The following ADRA1D variants were observed in gnomAD, a reference collection of about 807,000 sequenced individuals.
The protein encoded by ADRA1D is alpha-1D adrenergic receptor.
A neutral mutation model predicts 18.6 loss-of-function variants in ADRA1D; 22 were observed. The observed-to-expected ratio is 1.19, with a 90% CI of 0.85 to 1.69. ADRA1D has a LOEUF of 1.69. ADRA1D is among the 40% of genes most tolerant of loss of function. The pLI is 0.00. For synonymous variants in ADRA1D, 376 were observed against 388.2 expected (o/e 0.97, Z 0.37); for missense variants, 840 against 840.7 (o/e 1.00, Z 0.01).
intron 1 of ADRA1D, among the ~76,000 whole-genome samples, chr20:4,226,281 T>G (rs1421074504): frequency 1.3e-5 from 2 of 152,248 alleles, no homozygotes; most frequent in Non-Finnish European, 2.9e-5. Flanking sequence ...AAACTCAGCC[T>G]TTCAGCCCCA....
At chr20:4,241,712 C>G (rs752200911) in intron 1 of ADRA1D, among the ~76,000 whole-genome samples, 4 of 152,086 alleles carry the variant, frequency 2.6e-5, no homozygotes, top group Non-Finnish European at 4.4e-5. Context: ...ATCCACAGAC[C>G]CCTGCACAAC....
At chr20:4,225,444 T>TTTTG (rs1980774285) in intron 1 of ADRA1D, among the ~76,000 whole-genome samples, 2 of 148,606 alleles carry the variant, frequency 1.3e-5, no homozygotes. Context: ...TTTTTTTTTT[T>TTTTG]GAGACAGGGT....
chr20:4,229,487 C>T (rs1211634581), intron 1 of ADRA1D, among the ~76,000 whole-genome samples: 1 of 152,074 alleles, frequency 6.6e-6, no homozygotes, highest in East Asian at 1.9e-4. Context: ...GATAAGGTGG[C>T]CAGGAAAGTC....
At chr20:4,235,636 G>A (rs546283420) in intron 1 of ADRA1D, among the ~76,000 whole-genome samples, 1 of 152,392 alleles carries the variant, frequency 6.6e-6, no homozygotes, top group African/African-American at 2.4e-5. Context: ...CTGGGTGTGA[G>A]CAGAGCAGCA....
chr20:4,230,618 C>T (rs1049484036), intron 1 of ADRA1D, among the ~76,000 whole-genome samples: 3 of 152,244 alleles, frequency 2.0e-5, no homozygotes, highest in African/African-American at 4.8e-5. Context: ...TTCCTTAAAA[C>T]TTGGTTTCTC....
intron 1 of ADRA1D, among the ~76,000 whole-genome samples, chr20:4,240,730 G>A (rs1981192121): frequency 6.6e-6 from 1 of 152,162 alleles, no homozygotes; most frequent in African/African-American, 2.4e-5. Context: ...GGAGGTGGAG[G>A]TTGCGGTAAG....
intron 1 of ADRA1D, among the ~76,000 whole-genome samples, chr20:4,246,844 TG>T (rs1218595443): frequency 6.6e-6 from 1 of 152,154 alleles, no homozygotes; most frequent in African/African-American, 2.4e-5. Flanking sequence ...GTGGCTGCAG[TG>T]TGGAAAGGGC....
chr20:4,242,070 C>A (rs1307060781), intron 1 of ADRA1D, among the ~76,000 whole-genome samples: 2 of 152,258 alleles, frequency 1.3e-5, no homozygotes, highest in Non-Finnish European at 2.9e-5. Context: ...AGTACACTCA[C>A]TGCACACACA....
chr20:4,224,993 GTTTTT>G (rs562415272), intron 1 of ADRA1D, among the ~76,000 whole-genome samples: 1,612 of 120,046 alleles, frequency 0.013, 21 homozygotes, highest in African/African-American at 0.037. Flanking sequence ...GGCCATCTAA[GTTTTT>G]TTTTTTTTTT....
chr20:4,248,699 C>A lies in ADRA1D; in HGVS notation c.259G>T (p.Val87Phe), dbSNP rs1981417915. Residue 87 changes from valine (V) to phenylalanine (F), a missense_variant, in exon 1 of 2, where the codon GTC (valine) becomes TTC (phenylalanine). Val to Phe is a conservative substitution (Grantham distance 50). Transcript: ENST00000379453. ...AGGDVNGTAA[V>F]GGLVVSAQGV... Reference sequence around the variant, plus strand: ...TGCGCGCTCACCACCAGTCCCCCGACGGCCGCCGTGCCATTCACGTCGCCG... The same window carrying A: ...TGCGCGCTCACCACCAGTCCCCCGAAGGCCGCCGTGCCATTCACGTCGCCG... 6.4e-7 allele frequency: 1 copy of A among 1,574,732 alleles called. No homozygotes were observed. Among genetic ancestry groups the A allele is most frequent in the Non-Finnish European group, 8.6e-7 (1 of 1,161,556 alleles).
At position 4,221,497 on chromosome 20, in the gene ADRA1D, C is replaced by A; in HGVS notation, c.*26G>T. ...GTCCCCCTTACCCCCAAGCCCAGCA[C>A]ACTCCGCGGCCTAGCTCTGGGGTCC... On this transcript the variant is annotated 3_prime_UTR_variant, in exon 2 of 2. Coordinates refer to ENST00000379453, the MANE Select transcript of ADRA1D (RefSeq NM_000678.4). 6.3e-7 allele frequency: 1 copy of A among 1,585,432 alleles called. No individual in the cohort carries two copies. Among genetic ancestry groups the A allele is most frequent in the Non-Finnish European group, 8.6e-7 (1 of 1,160,968 alleles).
At chr20:4,246,921 C>T (rs1194867227) in intron 1 of ADRA1D, among the ~76,000 whole-genome samples, 2 of 152,172 alleles carry the variant, frequency 1.3e-5, no homozygotes, top group Non-Finnish European at 2.9e-5. Context: ...TGGAAGGGTC[C>T]AGGCCTGGGA....
intron 1 of ADRA1D, among the ~76,000 whole-genome samples, chr20:4,231,254 C>T (rs1403669300): frequency 8.4e-6 from 1 of 118,376 alleles, no homozygotes; most frequent in Non-Finnish European, 1.8e-5. Flanking sequence ...TGTGCCACTA[C>T]ACCTGGCTAA....
intron 1 of ADRA1D, among the ~76,000 whole-genome samples, chr20:4,234,559 C>T (rs185435738): frequency 6.6e-6 from 1 of 152,324 alleles, no homozygotes; most frequent in East Asian, 1.9e-4. Context: ...TCAGTCTCCT[C>T]CCACCCTGCC....
rs1453359985 is a variant in ADRA1D, at chr20:4,222,241, G to A, written c.1112-111C>T. ...TAGCCTTGGCTGAGTCATTGACTAG[G>A]AGTTCTCAAGGGATCCGTGCTGTAA... On this transcript the variant is annotated intron_variant, in intron 1 of 1. Transcript: ENST00000379453. The surrounding 1 kb of genome is among the most constrained non-coding windows in gnomAD (Gnocchi z 4.3). The A allele has an allele frequency of 7.0e-6, 10 of 1,429,968 alleles. No homozygotes were observed. Among genetic ancestry groups the A allele is most frequent in the South Asian group, 1.4e-5 (1 of 71,078 alleles). The allele number at this position is 1,429,968 out of a possible 1,614,324, so 88.6% of individuals were successfully genotyped here.
intron 1 of ADRA1D, among the ~76,000 whole-genome samples, chr20:4,231,068 C>T (rs139032834): frequency 0.068 from 2,961 of 43,390 alleles, 42 homozygotes; most frequent in East Asian, 0.2. Context: ...CTTTCTTTCT[C>T]TCTCTCTCTC....
intron 1 of ADRA1D, among the ~76,000 whole-genome samples, chr20:4,233,609 C>A (rs1981021088): frequency 6.6e-6 from 1 of 152,140 alleles, no homozygotes; most frequent in African/African-American, 2.4e-5. Flanking sequence ...GGGAACCCGA[C>A]CCAAGACATT....
chr20:4,247,793 A>G, intron 1 of ADRA1D, 54 bp downstream of exon 1: 1 of 1,431,386 alleles, frequency 7.0e-7, no homozygotes, highest in Non-Finnish European at 9.2e-7. Flanking sequence ...CCAGGAGGGC[A>G]CCGCCATAGG....
chr20:4,248,832 C>T lies in ADRA1D; in HGVS notation c.126G>A (p.Ala42=). 3.0e-6 allele frequency: 3 copies of T among 1,009,020 alleles called. No homozygotes were observed. The highest frequency in any genetic ancestry group is 9.1e-5 in the South Asian group (2 of 22,074). 62.5% of individuals were successfully genotyped at this position (1,009,020 alleles called of 1,614,324 possible). Residue 42 remains alanine (A), a synonymous_variant, in exon 1 of 2, where the codon GCG becomes GCA. Coordinates refer to ENST00000379453, the MANE Select transcript of ADRA1D (RefSeq NM_000678.4). The stretch of plus-strand genomic sequence containing the variant: ...CCGCGCCCCCCGGCACGCCGCCCAC[C>T]GCCGGGCCCTCCGAGGGGGCCGCGC... The part of the protein sequence containing the change: ...AGGAAPSEGP[A]VGGVPGGAGG...
Sources: gnomAD v4.1 joint callset for allele counts (sites outside exome capture counted in the v4.1 genomes callset) on GRCh38, gnomAD v4.1.1 for gene constraint, Gnocchi (gnomAD v3.1) non-coding constraint, MANE v1.5 for transcripts, NCBI Gene and HGNC (gene_info 2026-07-23, HGNC 2026-07-21) for gene names.